Variants in TRIM71 observed in about 807,000 individuals in gnomAD.
TRIM71 encodes tripartite motif containing 71, also known as E3 ubiquitin-protein ligase TRIM71.
A neutral mutation model predicts 61.2 loss-of-function variants in TRIM71; 9 were observed. The ratio of observed to expected loss-of-function variants is 0.15; its 90% confidence interval spans 0.09 to 0.26. The LOEUF (loss-of-function observed/expected upper bound fraction) is 0.26. Among genes scored for constraint, TRIM71 ranks in the 10% least tolerant of loss-of-function variants. TRIM71 has a pLI of 1.00. For synonymous variants in TRIM71, 645 were observed against 553.2 expected (o/e 1.17, Z -2.33); for missense variants, 998 against 1,238.7 (o/e 0.81, Z 2.92).
At position 32,891,664 on chromosome 3, in the gene TRIM71, G is replaced by C. The variant is rs746339153; in HGVS notation, c.2460G>C (p.Met820Ile). 1 of 1,614,024 alleles carries C rather than the reference G, an allele frequency of 6.2e-7. No individual in the cohort carries two copies. Among genetic ancestry groups the C allele is most frequent in the Non-Finnish European group, 8.5e-7 (1 of 1,179,936 alleles). Residue 820 changes from methionine (M) to isoleucine (I), a missense_variant, in exon 4 of 4, where the codon ATG (methionine) becomes ATC (isoleucine). Met to Ile is a conservative substitution (Grantham distance 10). This residue lies in a region of TRIM71 where 95 missense variants were observed against 159.0 expected (regional missense o/e 0.60). Transcript: ENST00000383763. The surrounding 1 kb of genome is among the most constrained non-coding windows in gnomAD (Gnocchi z 8.2). The part of the protein sequence containing the change: ...VADSRNHRVQ[M>I]FESNGSFLCK... ...ATTCCAGGAACCATCGGGTACAGAT[G>C]TTTGAATCCAACGGCAGCTTCCTGT...
intron 2 of TRIM71, among the ~76,000 whole-genome samples, chr3:32,878,260 T>C (rs1696870812): frequency 6.6e-6 from 1 of 152,216 alleles, no homozygotes; most frequent in South Asian, 2.1e-4. Context: ...TCAGCAGTAA[T>C]ATTTTGAAGG....
At chr3:32,874,297 G>A (rs577152228) in intron 2 of TRIM71, among the ~76,000 whole-genome samples, 1 of 151,922 alleles carries the variant, frequency 6.6e-6, no homozygotes, top group East Asian at 1.9e-4. Context: ...AGCCAGGACT[G>A]CAGAAAGGCT....
intron 2 of TRIM71, among the ~76,000 whole-genome samples, chr3:32,878,376 G>A (rs933223840): frequency 5.3e-5 from 8 of 152,240 alleles, no homozygotes; most frequent in East Asian, 1.9e-4. Flanking sequence ...TTGGGAGCCC[G>A]AGGCGGGTGG....
chr3:32,818,299 C>G lies in TRIM71; in HGVS notation c.219C>G (p.His73Gln), dbSNP rs1199580497. The G allele has an allele frequency of 2.1e-6, 3 of 1,432,466 alleles. No individual in the cohort carries two copies. Among genetic ancestry groups the G allele is most frequent in the African/African-American group, 1.5e-5 (1 of 66,838 alleles). 88.7% of individuals were successfully genotyped at this position (1,432,466 alleles called of 1,614,324 possible). A position where few individuals can be genotyped will look rare whatever the true frequency, so the allele number is the denominator to read the frequency against. Residue 73 changes from histidine to glutamine, a missense_variant, in exon 1 of 4, where the codon CAC becomes CAG. Transcript: ENST00000383763. ...TCTGCCGCCCCTGCCTCGAGGCGCA[C>G]CGGCTGCCGGCGGCGGGCGGCGGCG... ...HAFCRPCLEA[H>Q]RLPAAGGGAA...
chr3:32,879,939 C>A (rs891726198), intron 2 of TRIM71, among the ~76,000 whole-genome samples: 2 of 151,482 alleles, frequency 1.3e-5, no homozygotes, highest in Admixed American at 6.6e-5. Flanking sequence ...CCAGCCTGGG[C>A]GACAGAGCAA....
At chr3:32,830,627 T>C (rs1470007393) in intron 1 of TRIM71, among the ~76,000 whole-genome samples, 1 of 152,194 alleles carries the variant, frequency 6.6e-6, no homozygotes. Flanking sequence ...GTCTGGCCTC[T>C]GTCGATATCA....
intron 1 of TRIM71, among the ~76,000 whole-genome samples, chr3:32,823,366 CAT>C (rs1696162148): frequency 1.3e-5 from 2 of 152,222 alleles, no homozygotes; most frequent in African/African-American, 4.8e-5. Flanking sequence ...CATAACCTGT[CAT>C]AAACTGTGCT....
chr3:32,874,321 TTATTACTACTAC>T (rs1559548581), intron 2 of TRIM71, among the ~76,000 whole-genome samples: 3 of 119,118 alleles, frequency 2.5e-5, no homozygotes, highest in Admixed American at 8.5e-5. Flanking sequence ...TGCTTAATGC[TTATTACTACTAC>T]TACTACTACT....
chr3:32,841,077 T>A (rs1696398512), intron 1 of TRIM71, among the ~76,000 whole-genome samples: 1 of 151,778 alleles, frequency 6.6e-6, no homozygotes, highest in Non-Finnish European at 1.5e-5. Flanking sequence ...AAACCCCATC[T>A]GTACTAAAAA....
At chr3:32,834,872 G>A (rs932011047) in intron 1 of TRIM71, among the ~76,000 whole-genome samples, 3 of 152,140 alleles carry the variant, frequency 2.0e-5, no homozygotes, top group East Asian at 3.9e-4. Flanking sequence ...CACATTTGGC[G>A]TTTTGAGCAT....
intron 2 of TRIM71, among the ~76,000 whole-genome samples, chr3:32,875,142 C>A (rs1248495155): frequency 2.6e-5 from 4 of 152,178 alleles, no homozygotes; most frequent in African/African-American, 9.7e-5. Flanking sequence ...AGACAGAGAC[C>A]TTTGTGATAC....
intron 1 of TRIM71, among the ~76,000 whole-genome samples, chr3:32,854,589 G>C (rs1018586808): frequency 6.6e-6 from 1 of 152,098 alleles, no homozygotes; most frequent in Non-Finnish European, 1.5e-5. Flanking sequence ...TCATTCCCTA[G>C]GCCTTACTCA....
chr3:32,862,864 A>C (rs1412867851), intron 1 of TRIM71, among the ~76,000 whole-genome samples: 2 of 152,180 alleles, frequency 1.3e-5, no homozygotes, highest in Admixed American at 6.5e-5. Context: ...TGGTGCTGTA[A>C]ATCGGGACTC....
chr3:32,833,678 T>TTTATTTATTTA (rs1559538661), intron 1 of TRIM71, among the ~76,000 whole-genome samples: 1 of 134,472 alleles, frequency 7.4e-6, no homozygotes, highest in South Asian at 2.4e-4. Context: ...TTATTTATTT[T>TTTATTTATTTA]ATTTTTGGCT....
intron 1 of TRIM71, among the ~76,000 whole-genome samples, chr3:32,826,119 G>T (rs976851330): frequency 6.6e-6 from 1 of 152,126 alleles, no homozygotes; most frequent in Admixed American, 6.6e-5. Context: ...CTTACAACTG[G>T]CTTTGAAGGT....
intron 1 of TRIM71, among the ~76,000 whole-genome samples, chr3:32,863,881 T>A (rs903700407): frequency 1.1e-4 from 16 of 151,988 alleles, no homozygotes; most frequent in Non-Finnish European, 1.9e-4. Context: ...GGGGTTTCAC[T>A]ATGTTGGCCA....
intron 1 of TRIM71, among the ~76,000 whole-genome samples, chr3:32,839,849 A>G (rs886703410): frequency 6.6e-6 from 1 of 152,144 alleles, no homozygotes; most frequent in Admixed American, 6.5e-5. Flanking sequence ...TAGAAGAGCC[A>G]CTTGCAGTGG....
At chr3:32,876,883 T>TG (rs1201452360) in intron 2 of TRIM71, among the ~76,000 whole-genome samples, 9 of 152,090 alleles carry the variant, frequency 5.9e-5, no homozygotes, top group African/African-American at 1.9e-4. Context: ...GAAAAGAGTG[T>TG]GGGGAAAATA....
At chr3:32,847,152 GC>G (rs2125680798) in intron 1 of TRIM71, among the ~76,000 whole-genome samples, 1 of 151,300 alleles carries the variant, frequency 6.6e-6, no homozygotes, top group East Asian at 1.9e-4. Context: ...ATGCTCTGGA[GC>G]AGCTTGGACT....
Sources: gnomAD v4.1 joint callset for allele counts (sites outside exome capture counted in the v4.1 genomes callset) on GRCh38, gnomAD v4.1.1 for gene constraint, gnomAD v4.1.1 regional missense constraint, Gnocchi (gnomAD v3.1) non-coding constraint, MANE v1.5 for transcripts, NCBI Gene and HGNC (gene_info 2026-07-23, HGNC 2026-07-21) for gene names.